Variants in TSPAN33 observed in about 807,000 individuals in gnomAD.
TSPAN33 encodes the protein tetraspanin-33.
In TSPAN33, 27 loss-of-function variants were observed where a neutral mutation model predicts 34.8. That is an observed-to-expected ratio of 0.78 (90% CI 0.57 to 1.07). TSPAN33 has a LOEUF of 1.07. Among genes scored for constraint, TSPAN33 ranks in the 50% least tolerant of loss-of-function variants. The pLI, the probability that TSPAN33 is intolerant of heterozygous loss-of-function variation, is 0.00. For missense variants in TSPAN33, 272 were observed against 324.9 expected (o/e 0.84, Z 1.25); for synonymous variants, 119 against 124.2 (o/e 0.96, Z 0.28).
chr7:129,158,079 T>C lies in TSPAN33; in HGVS notation c.103-3600T>C, dbSNP rs556515865. Among the ~76,000 whole-genome samples, 8 of 152,302 alleles carry C rather than the reference T, an allele frequency of 5.3e-5. No homozygotes were observed. In the South Asian group the frequency reaches 1.7e-3, roughly 32 times the overall value. On this transcript the variant is annotated intron_variant, in intron 1 of 7. Coordinates refer to ENST00000486685, the MANE Select transcript of TSPAN33 (RefSeq NM_178562.5). ...AGCTGTTAGAGGCAGCCCTCATTCC[T>C]CCATCCGTGGCACCACAGCAGTCCA...
At chr7:129,164,665 CTGCCAGGTAATGG>C (rs1793109911) in intron 5 of TSPAN33, 96 bp downstream of exon 5, 1 of 1,170,282 alleles carries the variant, frequency 8.5e-7, no homozygotes, top group African/African-American at 1.5e-5. Context: ...TCTTCATTAC[CTGCCAGGTAATGG>C]CTTCTGGGAA....
At chr7:129,157,298 C>T (rs1810676118) in intron 1 of TSPAN33, among the ~76,000 whole-genome samples, 2 of 151,828 alleles carry the variant, frequency 1.3e-5, no homozygotes, top group South Asian at 4.2e-4. Context: ...CACCTCCAAA[C>T]GTGATGCTAT....
chr7:129,164,398 CT>C, intron 4 of TSPAN33, 75 bp from the exon 5 acceptor site: 1 of 1,258,580 alleles, frequency 7.9e-7, no homozygotes, highest in Non-Finnish European at 1.2e-6. Flanking sequence ...TGATCCCTGT[CT>C]ACTGTTATTT....
chr7:129,147,436 A>G (rs1030457636), intron 1 of TSPAN33, among the ~76,000 whole-genome samples: 1 of 152,120 alleles, frequency 6.6e-6, no homozygotes, highest in Non-Finnish European at 1.5e-5. Flanking sequence ...TTCAGGTGTT[A>G]TTGAATGTCC....
Sources: gnomAD v4.1 joint callset for allele counts (sites outside exome capture counted in the v4.1 genomes callset) on GRCh38, gnomAD v4.1.1 for gene constraint, MANE v1.5 for transcripts, NCBI Gene and HGNC (gene_info 2026-07-23, HGNC 2026-07-21) for gene names.